Variants in PPP3CC observed in about 807,000 individuals in gnomAD.
PPP3CC encodes protein phosphatase 3 catalytic subunit gamma.
Under a neutral mutation model 60.3 loss-of-function variants are expected in PPP3CC, and 35 were observed. That is an observed-to-expected ratio of 0.58 (90% CI 0.44 to 0.77). The LOEUF (loss-of-function observed/expected upper bound fraction) is 0.77. PPP3CC is among the 30% of genes least tolerant of loss of function. PPP3CC has a pLI of 0.00. For missense variants in PPP3CC, 570 were observed against 628.9 expected (o/e 0.91, Z 1.00); for synonymous variants, 206 against 224.3 (o/e 0.92, Z 0.73).
At chr8:22,536,021 C>G (rs1481065058) in intron 12 of PPP3CC, among the ~76,000 whole-genome samples, 1 of 152,194 alleles carries the variant, frequency 6.6e-6, no homozygotes, top group East Asian at 1.9e-4. Context: ...CGTGAGCCAC[C>G]GTGCCCAGCC....
intron 3 of PPP3CC, among the ~76,000 whole-genome samples, chr8:22,489,030 T>C (rs969421560): frequency 2.0e-5 from 3 of 151,562 alleles, no homozygotes; most frequent in South Asian, 2.1e-4. Flanking sequence ...TAGGAAGTTA[T>C]TGGAGGAATT....
At chr8:22,467,518 C>T (rs1837579877) in intron 1 of PPP3CC, among the ~76,000 whole-genome samples, 1 of 152,114 alleles carries the variant, frequency 6.6e-6, no homozygotes, top group African/African-American at 2.4e-5. Context: ...TCTCAGCTCA[C>T]TGCAACCTCC....
intron 3 of PPP3CC, among the ~76,000 whole-genome samples, chr8:22,478,639 C>T (rs555525952): frequency 1.2e-3 from 182 of 152,252 alleles, no homozygotes; most frequent in Non-Finnish European, 1.9e-3. Context: ...TTTCCTCACT[C>T]ATCAATAAAG....
intron 8 of PPP3CC, among the ~76,000 whole-genome samples, chr8:22,525,323 A>G (rs1191569663): frequency 1.3e-5 from 2 of 152,068 alleles, no homozygotes; most frequent in African/African-American, 4.8e-5. Context: ...CCCTGGGGGT[A>G]CTCAGTTACT....
chr8:22,510,132 A>G (rs1839041466), intron 4 of PPP3CC, among the ~76,000 whole-genome samples: 7 of 151,172 alleles, frequency 4.6e-5, no homozygotes, highest in Admixed American at 3.3e-4. Context: ...GCAGTGAGCT[A>G]AGATCCCGCT....
intron 12 of PPP3CC, among the ~76,000 whole-genome samples, chr8:22,537,192 G>A (rs1335823294): frequency 6.6e-6 from 1 of 152,160 alleles, no homozygotes; most frequent in Non-Finnish European, 1.5e-5. Context: ...CTAAGAGATT[G>A]GTATCTAGAA....
intron 3 of PPP3CC, among the ~76,000 whole-genome samples, chr8:22,482,249 CA>C (rs1284167966): frequency 3.9e-5 from 6 of 152,152 alleles, no homozygotes; most frequent in Non-Finnish European, 7.3e-5. Context: ...GAGGGTATCT[CA>C]TTGTGGTTTT....
Position 22,456,005 on chromosome 8 carries a change from T to C in PPP3CC, c.49+14547T>C, listed in dbSNP as rs189695158. Among the ~76,000 whole-genome samples, 42 of 152,342 alleles carry C rather than the reference T, an allele frequency of 2.8e-4. No individual in the cohort carries two copies. The East Asian group carries it at 5.2e-3, about 19-fold the overall frequency. On this transcript the variant is annotated intron_variant, in intron 1 of 13. Coordinates refer to ENST00000240139, the MANE Select transcript of PPP3CC (RefSeq NM_005605.5). ...TGGTAATAATATTTAATGTAACTTATTTAGCAGTGCGTGTTCATGATTGGC... is the reference window on the plus strand; with the variant it reads ...TGGTAATAATATTTAATGTAACTTACTTAGCAGTGCGTGTTCATGATTGGC...
chr8:22,458,147 C>G (rs1837263840), intron 1 of PPP3CC, among the ~76,000 whole-genome samples: 1 of 152,116 alleles, frequency 6.6e-6, no homozygotes, highest in South Asian at 2.1e-4. Context: ...ATATTTCACA[C>G]ATTACCCATA....
At chr8:22,469,648 A>G (rs1220500170) in intron 1 of PPP3CC, among the ~76,000 whole-genome samples, 2 of 152,104 alleles carry the variant, frequency 1.3e-5, no homozygotes, top group Non-Finnish European at 2.9e-5. Flanking sequence ...CGAAGAGGCC[A>G]CATGTGGGTA....
chr8:22,520,440 G>A (rs1839375271), intron 6 of PPP3CC, among the ~76,000 whole-genome samples: 1 of 151,948 alleles, frequency 6.6e-6, no homozygotes, highest in African/African-American at 2.4e-5. Context: ...ACTCCCATAT[G>A]CCTGTATTAT....
intron 12 of PPP3CC, among the ~76,000 whole-genome samples, chr8:22,535,146 A>G (rs1246765351): frequency 6.6e-6 from 1 of 152,204 alleles, no homozygotes; most frequent in Non-Finnish European, 1.5e-5. Context: ...AGGGGGTTGC[A>G]GTTTCTCAAT....
chr8:22,461,020 GT>G (rs989681600), intron 1 of PPP3CC, among the ~76,000 whole-genome samples: 1 of 151,814 alleles, frequency 6.6e-6, no homozygotes, highest in African/African-American at 2.4e-5. Context: ...TAATTTTTGT[GT>G]TTTTAATAGA....
chr8:22,443,167 T>C (rs1006571316), intron 1 of PPP3CC, among the ~76,000 whole-genome samples: 1 of 152,084 alleles, frequency 6.6e-6, no homozygotes. Context: ...AAATCTTAAA[T>C]GACCCTTAAA....
chr8:22,454,872 C>T (rs892654789), intron 1 of PPP3CC, among the ~76,000 whole-genome samples: 3 of 151,450 alleles, frequency 2.0e-5, no homozygotes, highest in Non-Finnish European at 2.9e-5. Context: ...ATCGAGACCA[C>T]GGTGAAACCC....
At chr8:22,521,570 G>T (rs989351459) in intron 6 of PPP3CC, among the ~76,000 whole-genome samples, 2 of 152,122 alleles carry the variant, frequency 1.3e-5, no homozygotes, top group Non-Finnish European at 2.9e-5. Context: ...GCCATGGATG[G>T]CTTCCAAACT....
chr8:22,532,856 A>G, intron 11 of PPP3CC, 65 bp from the exon 12 acceptor site: 1 of 1,134,860 alleles, frequency 8.8e-7, no homozygotes, highest in South Asian at 1.9e-5. Context: ...ACTTCCTTCA[A>G]TATCTTTAAG....
At chr8:22,498,917 G>A (rs1405632506) in intron 4 of PPP3CC, among the ~76,000 whole-genome samples, 1 of 151,644 alleles carries the variant, frequency 6.6e-6, no homozygotes, top group Non-Finnish European at 1.5e-5. Flanking sequence ...AAGGTCAGGA[G>A]TTCAAGACCA....
rs1973015 is a variant in PPP3CC, at chr8:22,470,087, T to C, written c.50-4867T>C. 8.2e-4 allele frequency among the ~76,000 whole-genome samples: 118 copies of C among 144,086 alleles called. 1 individual carries two copies. Among genetic ancestry groups the C allele is most frequent in the African/African-American group, 2.6e-3 (98 of 37,958 alleles). The allele number at this position is 144,086 out of a possible 152,430, so 94.5% of individuals were successfully genotyped here. A position where few individuals can be genotyped will look rare whatever the true frequency, so the allele number is the denominator to read the frequency against. On this transcript the variant is annotated intron_variant, in intron 1 of 13. Coordinates refer to ENST00000240139, the MANE Select transcript of PPP3CC (RefSeq NM_005605.5). Reference sequence around the variant, plus strand: ...ACACACACACACACACACACACACATACATATATATATGTTCTCTGCTGTA... The same window carrying C: ...ACACACACACACACACACACACACACACATATATATATGTTCTCTGCTGTA...
Sources: gnomAD v4.1 joint callset for allele counts (sites outside exome capture counted in the v4.1 genomes callset) on GRCh38, gnomAD v4.1.1 for gene constraint, MANE v1.5 for transcripts, NCBI Gene and HGNC (gene_info 2026-07-23, HGNC 2026-07-21) for gene names.